The following NBEA variants were observed in gnomAD, a reference collection of about 807,000 sequenced individuals.
NBEA encodes the protein neurobeachin, also known as lysosomal-trafficking regulator 2.
NBEA carries 44 observed loss-of-function variants against 343.4 expected under a neutral mutation model. The observed-to-expected ratio is 0.13, with a 90% CI of 0.10 to 0.16. NBEA has a LOEUF of 0.16. NBEA is among the 10% of genes least tolerant of loss of function. The probability of loss-of-function intolerance (pLI) is 1.00; values close to 1 mark genes in which losing one functional copy is unlikely to be tolerated. For missense variants in NBEA, 2,555 were observed against 3,631.3 expected, an observed-to-expected ratio of 0.70 and a Z score of 7.62; for synonymous variants, 1,175 against 1,238.7, an observed-to-expected ratio of 0.95 and a Z score of 1.08.
At chr13:35,359,566 TG>T in intron 38 of NBEA, among the ~76,000 whole-genome samples, 1 of 152,182 alleles carries the variant, frequency 6.6e-6, no homozygotes, top group Non-Finnish European at 1.5e-5. Flanking sequence ...TTGGATTCAG[TG>T]GTGGGGTCGG....
chr13:35,579,930 T>C (rs945272434), intron 45 of NBEA, among the ~76,000 whole-genome samples: 14 of 152,090 alleles, frequency 9.2e-5, no homozygotes, highest in African/African-American at 3.1e-4. Flanking sequence ...CTAACTACAG[T>C]AGTGTTTCAT....
chr13:35,391,522 G>T (rs1055441743), intron 38 of NBEA, among the ~76,000 whole-genome samples: 1 of 152,112 alleles, frequency 6.6e-6, no homozygotes, highest in Non-Finnish European at 1.5e-5. Flanking sequence ...CAAATTTGTT[G>T]TACATTCTAC....
intron 1 of NBEA, among the ~76,000 whole-genome samples, chr13:34,979,324 A>C (rs113557991): frequency 0.016 from 2,397 of 152,240 alleles, 64 homozygotes; most frequent in African/African-American, 0.049. Context: ...GTTCGAGACC[A>C]GTCTGGCCAA....
intron 33 of NBEA, among the ~76,000 whole-genome samples, chr13:35,216,728 G>C (rs551936367): frequency 2.6e-5 from 4 of 151,906 alleles, no homozygotes; most frequent in Non-Finnish European, 5.9e-5. Flanking sequence ...ATTGTTGCAT[G>C]AATTAATAGT....
intron 1 of NBEA, among the ~76,000 whole-genome samples, chr13:34,949,998 G>C (rs946366365): frequency 2.0e-5 from 3 of 152,148 alleles, no homozygotes; most frequent in Non-Finnish European, 4.4e-5. Context: ...TAATGTTATA[G>C]ATTTCTGACG....
At chr13:35,317,020 A>G (rs1254638265) in intron 36 of NBEA, among the ~76,000 whole-genome samples, 3 of 152,116 alleles carry the variant, frequency 2.0e-5, no homozygotes, top group African/African-American at 7.2e-5. Flanking sequence ...GCTCTTTGTC[A>G]GATGGATAGA....
chr13:35,610,342 G>A (rs1033883915), intron 48 of NBEA, among the ~76,000 whole-genome samples: 2 of 152,160 alleles, frequency 1.3e-5, no homozygotes, highest in Middle Eastern at 3.4e-3. Context: ...GCAATGAGCC[G>A]AGATTGCGCT....
chr13:35,303,630 A>C (rs1335334755), intron 35 of NBEA, among the ~76,000 whole-genome samples: 1 of 152,148 alleles, frequency 6.6e-6, no homozygotes, highest in African/African-American at 2.4e-5. Context: ...TTTTCTGAAG[A>C]ATTAACTGTT....
chr13:35,306,947 T>A (rs1490608902), intron 35 of NBEA, among the ~76,000 whole-genome samples: 1 of 152,078 alleles, frequency 6.6e-6, no homozygotes, highest in African/African-American at 2.4e-5. Context: ...TACTCAATAT[T>A]TCTATGTAAA....
intron 41 of NBEA, chr13:35,476,689 TA>T: frequency 1.0e-6 from 1 of 977,760 alleles, no homozygotes; most frequent in Non-Finnish European, 1.3e-6. Flanking sequence ...TTGGTTTGTC[TA>T]AGAGCCCAGA....
At chr13:35,422,746 C>T (rs890556142) in intron 38 of NBEA, among the ~76,000 whole-genome samples, 14 of 152,328 alleles carry the variant, frequency 9.2e-5, no homozygotes, top group African/African-American at 3.4e-4. Flanking sequence ...AATGGTTGAA[C>T]TAGTTTACAG....
At chr13:35,343,314 AC>A (rs1311880912) in intron 36 of NBEA, among the ~76,000 whole-genome samples, 1 of 152,060 alleles carries the variant, frequency 6.6e-6, no homozygotes, top group East Asian at 1.9e-4. Context: ...AGATTTCAAC[AC>A]TCCTATCTCA....
intron 2 of NBEA, among the ~76,000 whole-genome samples, chr13:35,043,466 A>G (rs2062728886): frequency 6.6e-6 from 1 of 151,932 alleles, no homozygotes; most frequent in Admixed American, 6.6e-5. Flanking sequence ...ACTTCATATT[A>G]TAGCAACATT....
At chr13:35,400,494 A>G (rs1397908895) in intron 38 of NBEA, among the ~76,000 whole-genome samples, 1 of 152,032 alleles carries the variant, frequency 6.6e-6, no homozygotes, top group African/African-American at 2.4e-5. Context: ...TTTTTCTCAG[A>G]GCAAGAAAAA....
chr13:34,950,617 T>A lies in NBEA; in HGVS notation c.294+7503T>A, dbSNP rs549131238. Among the ~76,000 whole-genome samples, 876 of 151,594 alleles carry A rather than the reference T, an allele frequency of 5.8e-3. 4 individuals carry two copies. Among genetic ancestry groups the A allele is most frequent in the Non-Finnish European group, 9.8e-3 (664 of 67,852 alleles). On this transcript the variant is annotated intron_variant, in intron 1 of 58. Transcript: ENST00000379939. ...TTTCTAATATTCTAAATTAAAAAAATTTTAAATACTTTAGGTATTAAATAT... is the reference window on the plus strand; with the variant it reads ...TTTCTAATATTCTAAATTAAAAAAAATTTAAATACTTTAGGTATTAAATAT...
intron 10 of NBEA, among the ~76,000 whole-genome samples, chr13:35,085,809 G>T (rs1403576908): frequency 6.6e-6 from 1 of 152,104 alleles, no homozygotes; most frequent in African/African-American, 2.4e-5. Context: ...GTTTGCAGAT[G>T]ACATGATTGT....
intron 11 of NBEA, among the ~76,000 whole-genome samples, chr13:35,099,649 C>T (rs2065536014): frequency 6.6e-6 from 1 of 152,120 alleles, no homozygotes; most frequent in African/African-American, 2.4e-5. Context: ...ATTTTGTGCT[C>T]TTTTTCCCTG....
At chr13:35,110,635 T>C (rs1226117366) in intron 12 of NBEA, among the ~76,000 whole-genome samples, 175 bp from the exon 13 acceptor site, 1 of 152,110 alleles carries the variant, frequency 6.6e-6, no homozygotes, top group East Asian at 1.9e-4. Context: ...AATTGCAGAT[T>C]ATATATTTTT....
chr13:35,060,655 T>C (rs1409934767), intron 8 of NBEA, among the ~76,000 whole-genome samples: 1 of 151,766 alleles, frequency 6.6e-6, no homozygotes, highest in Non-Finnish European at 1.5e-5. Flanking sequence ...AATTTGTAAA[T>C]ATTATAAATA....
Sources: gnomAD v4.1 joint callset for allele counts (sites outside exome capture counted in the v4.1 genomes callset) on GRCh38, gnomAD v4.1.1 for gene constraint, MANE v1.5 for transcripts, NCBI Gene and HGNC (gene_info 2026-07-23, HGNC 2026-07-21) for gene names.